Variants in CACNA2D3 observed in about 807,000 individuals in gnomAD.
The protein encoded by CACNA2D3 is voltage-dependent calcium channel subunit alpha-2/delta-3.
In CACNA2D3, 60 loss-of-function variants were observed where a neutral mutation model predicts 160.6. The observed-to-expected ratio is 0.37, with a 90% CI of 0.30 to 0.46. The LOEUF (loss-of-function observed/expected upper bound fraction) is 0.46, where lower values mean the gene tolerates loss of function less well. Among genes scored for constraint, CACNA2D3 ranks in the 20% least tolerant of loss-of-function variants. CACNA2D3 has a pLI of 1.00. For missense variants in CACNA2D3, 1,205 were observed against 1,365.0 expected (o/e 0.88, Z 1.85); for synonymous variants, 558 against 492.9 (o/e 1.13, Z -1.75).
intron 4 of CACNA2D3, among the ~76,000 whole-genome samples, chr3:54,415,167 T>C (rs1699734892): frequency 6.6e-6 from 1 of 152,144 alleles, no homozygotes; most frequent in Admixed American, 6.6e-5. Context: ...TTCATTAAGA[T>C]GGCTGACTGC....
intron 30 of CACNA2D3, among the ~76,000 whole-genome samples, chr3:54,987,375 A>G (rs1000494510): frequency 6.6e-6 from 1 of 152,126 alleles, no homozygotes; most frequent in Admixed American, 6.6e-5. Flanking sequence ...GCATATTACT[A>G]CCTACTCCAT....
chr3:54,748,429 C>T (rs866961517), intron 11 of CACNA2D3, among the ~76,000 whole-genome samples: 34 of 152,222 alleles, frequency 2.2e-4, no homozygotes, highest in Middle Eastern at 3.4e-3. Context: ...AAGTTTTATA[C>T]TAAGTAGATT....
intron 29 of CACNA2D3, among the ~76,000 whole-genome samples, chr3:54,974,514 A>G (rs1176710324): frequency 6.6e-6 from 1 of 152,298 alleles, no homozygotes; most frequent in East Asian, 1.9e-4. Flanking sequence ...TGTCACTCCC[A>G]GGCACCCTGC....
intron 5 of CACNA2D3, among the ~76,000 whole-genome samples, chr3:54,539,869 G>T (rs1273880155): frequency 6.6e-6 from 1 of 152,140 alleles, no homozygotes; most frequent in Non-Finnish European, 1.5e-5. Flanking sequence ...GGGTATTTTA[G>T]GACCAGTTTT....
At chr3:54,192,703 T>C (rs1435688805) in intron 2 of CACNA2D3, among the ~76,000 whole-genome samples, 1 of 152,136 alleles carries the variant, frequency 6.6e-6, no homozygotes, top group Non-Finnish European at 1.5e-5. Context: ...TGTTTGTGTA[T>C]TCACGCCATG....
intron 4 of CACNA2D3, among the ~76,000 whole-genome samples, chr3:54,500,345 C>G (rs923223550): frequency 1.2e-4 from 19 of 152,122 alleles, no homozygotes; most frequent in African/African-American, 4.6e-4. Context: ...TTTTAATCTA[C>G]TCTGCCAGCC....
intron 35 of CACNA2D3, among the ~76,000 whole-genome samples, chr3:55,048,741 T>C (rs2107201441): frequency 7.2e-6 from 1 of 138,356 alleles, no homozygotes; most frequent in Admixed American, 7.0e-5. Flanking sequence ...CTGGACTCTT[T>C]TTGGTTGGTA....
chr3:54,287,011 T>C (rs1259749177), intron 2 of CACNA2D3, among the ~76,000 whole-genome samples: 1 of 152,108 alleles, frequency 6.6e-6, no homozygotes, highest in African/African-American at 2.4e-5. Flanking sequence ...AGGAAGAAAC[T>C]GCATCAACTA....
chr3:54,204,317 G>A (rs898337427), intron 2 of CACNA2D3, among the ~76,000 whole-genome samples: 1 of 152,038 alleles, frequency 6.6e-6, no homozygotes, highest in Non-Finnish European at 1.5e-5. Flanking sequence ...AAATATATGT[G>A]TGTGTGTGTA....
At chr3:54,248,189 T>C (rs11712961) in intron 2 of CACNA2D3, among the ~76,000 whole-genome samples, 78,941 of 151,910 alleles carry the variant, frequency 0.52, 21,883 homozygotes, top group African/African-American at 0.72. Flanking sequence ...GGGTGGAGCC[T>C]GGCTGGGCTT....
intron 9 of CACNA2D3, among the ~76,000 whole-genome samples, chr3:54,613,562 A>G (rs994909449): frequency 6.6e-6 from 1 of 152,190 alleles, no homozygotes; most frequent in African/African-American, 2.4e-5. Context: ...AAGGCTTTCT[A>G]TCCCATATTA....
intron 2 of CACNA2D3, among the ~76,000 whole-genome samples, chr3:54,211,132 A>G (rs1701364252): frequency 6.6e-6 from 1 of 152,164 alleles, no homozygotes. Flanking sequence ...ATATATGTGT[A>G]TACAAAGACA....
At chr3:54,494,573 C>T (rs1053576213) in intron 4 of CACNA2D3, among the ~76,000 whole-genome samples, 4 of 152,116 alleles carry the variant, frequency 2.6e-5, no homozygotes, top group Non-Finnish European at 4.4e-5. Flanking sequence ...TTCTATGAAA[C>T]GATGGAGTGA....
intron 2 of CACNA2D3, among the ~76,000 whole-genome samples, chr3:54,128,842 A>G (rs916840564): frequency 6.6e-6 from 1 of 152,234 alleles, no homozygotes; most frequent in African/African-American, 2.4e-5. Context: ...TAAAATGCCA[A>G]CCTATGAATT....
At chr3:54,829,521 G>C (rs948152126) in intron 14 of CACNA2D3, among the ~76,000 whole-genome samples, 1 of 152,140 alleles carries the variant, frequency 6.6e-6, no homozygotes, top group Non-Finnish European at 1.5e-5. Context: ...CCCTTTTCCA[G>C]ATGTACGTCT....
chr3:54,346,244 G>A (rs150204676), intron 3 of CACNA2D3, among the ~76,000 whole-genome samples: 79 of 152,264 alleles, frequency 5.2e-4, no homozygotes, highest in South Asian at 3.5e-3. Context: ...AGAAGCCTCC[G>A]TCAGAGCAAC....
intron 2 of CACNA2D3, among the ~76,000 whole-genome samples, chr3:54,219,544 C>T (rs1464711339): frequency 2.0e-5 from 3 of 152,158 alleles, no homozygotes; most frequent in African/African-American, 4.8e-5. Context: ...GAACCATGTA[C>T]CCCTTGGGTT....
intron 27 of CACNA2D3, among the ~76,000 whole-genome samples, chr3:54,900,136 A>G (rs1700292855): frequency 6.6e-6 from 1 of 152,196 alleles, no homozygotes; most frequent in Non-Finnish European, 1.5e-5. Flanking sequence ...CTTGCCGAGG[A>G]GAATTTCTTG....
Position 54,736,254 on chromosome 3 carries a change from C to T in CACNA2D3, c.1168-16345C>T, listed in dbSNP as rs141230631. On this transcript the variant is annotated intron_variant, in intron 11 of 37. Transcript: ENST00000474759. ...GATGTCTTTCCAAGTCATTAGCAAT[C>T]GGCTTTGCCATTATTTGTGATGGCT... Among the ~76,000 whole-genome samples, 698 of 150,678 alleles carry T rather than the reference C, an allele frequency of 4.6e-3. 10 individuals are homozygous for T. The highest frequency in any genetic ancestry group is 0.016 in the African/African-American group (666 of 40,798).
Sources: allele counts gnomAD v4.1 joint callset (sites outside exome capture counted in the v4.1 genomes callset), GRCh38; gene constraint gnomAD v4.1.1; transcripts MANE v1.5; gene names NCBI Gene and HGNC (gene_info 2026-07-23, HGNC 2026-07-21).